Variants in ZFAND3 observed in about 807,000 individuals in gnomAD.
ZFAND3 encodes the protein zinc finger AN1-type containing 3.
A neutral mutation model predicts 29.6 loss-of-function variants in ZFAND3; 10 were observed. That is an observed-to-expected ratio of 0.34 (90% CI 0.21 to 0.57). The LOEUF is 0.57. Ranked by LOEUF, ZFAND3 falls within the 20% of genes least tolerant of loss-of-function variation. The pLI is 0.86. For missense variants in ZFAND3, 230 were observed against 304.5 expected (o/e 0.76, Z 1.82); for synonymous variants, 128 against 112.6 (o/e 1.14, Z -0.87).
intron 2 of ZFAND3, among the ~76,000 whole-genome samples, chr6:37,939,476 C>T (rs1382261477): frequency 6.6e-6 from 1 of 152,162 alleles, no homozygotes; most frequent in Admixed American, 6.5e-5. Flanking sequence ...ATTACATCTG[C>T]AGAAGCTTTT....
chr6:38,137,213 G>C (rs770154949), intron 5 of ZFAND3, among the ~76,000 whole-genome samples: 2 of 152,152 alleles, frequency 1.3e-5, no homozygotes, highest in Non-Finnish European at 2.9e-5. Flanking sequence ...ATGAATAACG[G>C]CAATAGAAAG....
At chr6:38,118,089 A>G (rs181803495) in intron 5 of ZFAND3, among the ~76,000 whole-genome samples, 5 of 152,292 alleles carry the variant, frequency 3.3e-5, no homozygotes, top group Admixed American at 2.6e-4. Context: ...TTTTTGGGAA[A>G]CCGTAAAGAG....
chr6:37,976,337 T>G (rs1762477442), intron 2 of ZFAND3, among the ~76,000 whole-genome samples: 1 of 152,148 alleles, frequency 6.6e-6, no homozygotes, highest in African/African-American at 2.4e-5. Context: ...TTCCCAGCAC[T>G]TTGGGAGGCC....
At chr6:37,981,871 A>G (rs972886771) in intron 2 of ZFAND3, among the ~76,000 whole-genome samples, 2 of 152,110 alleles carry the variant, frequency 1.3e-5, no homozygotes, top group East Asian at 1.9e-4. Flanking sequence ...GCTTGGTTTT[A>G]TATATTTTAA....
intron 5 of ZFAND3, among the ~76,000 whole-genome samples, chr6:38,134,291 C>T (rs1765800357): frequency 6.6e-6 from 1 of 152,198 alleles, no homozygotes; most frequent in Non-Finnish European, 1.5e-5. Flanking sequence ...AAGTTACCTC[C>T]TCCAAGATCC....
chr6:38,032,164 A>C (rs1275873069), intron 2 of ZFAND3, among the ~76,000 whole-genome samples: 2 of 152,196 alleles, frequency 1.3e-5, no homozygotes, highest in Non-Finnish European at 2.9e-5. Flanking sequence ...TATTATGAGC[A>C]TTTATCTATG....
chr6:38,095,269 C>T (rs1043248298), intron 4 of ZFAND3, among the ~76,000 whole-genome samples: 3 of 152,304 alleles, frequency 2.0e-5, no homozygotes, highest in Non-Finnish European at 4.4e-5. Flanking sequence ...GCATAAGAAT[C>T]TCTGAGCCAT....
At chr6:37,925,430 C>T (rs576574774) in intron 1 of ZFAND3, among the ~76,000 whole-genome samples, 24 of 152,226 alleles carry the variant, frequency 1.6e-4, no homozygotes, top group African/African-American at 4.6e-4. Context: ...CTGCTGGACG[C>T]GGTGGCTCAT....
In ZFAND3 at chr6:38,102,297, C is replaced by A. The variant is rs1171416901; in HGVS notation, c.362-14275C>A. ...AACACTCACGAGTAGGGTACTTAGGCATCATAGGGGTGGGATAATTTACAT... is the reference window on the plus strand; with the variant it reads ...AACACTCACGAGTAGGGTACTTAGGAATCATAGGGGTGGGATAATTTACAT... On this transcript the variant is annotated intron_variant, in intron 4 of 5. Coordinates refer to ENST00000287218, the MANE Select transcript of ZFAND3 (RefSeq NM_021943.3). Among the ~76,000 whole-genome samples, 5 of 152,240 alleles carry A rather than the reference C, an allele frequency of 3.3e-5. No homozygotes were observed. The East Asian group carries it at 9.7e-4, about 29-fold the overall frequency.
rs1764118174 is a variant in ZFAND3 at position 38,055,558 on chromosome 6, G to C, written c.113-6035G>C. Among the ~76,000 whole-genome samples the C allele has an allele frequency of 2.0e-5, 3 of 152,316 alleles. No homozygotes were observed. In the South Asian group the frequency reaches 6.2e-4, roughly 32 times the overall value. ...ATGCAAAGCCCCTGGCAGAGTGCTT[G>C]ACTCACAGGAGGCGCTTAATTCTTA... On this transcript the variant is annotated intron_variant, in intron 2 of 5. Transcript: ENST00000287218.
intron 1 of ZFAND3, among the ~76,000 whole-genome samples, chr6:37,851,595 A>C (rs1458871382): frequency 6.6e-6 from 1 of 152,192 alleles, no homozygotes; most frequent in Non-Finnish European, 1.5e-5. Flanking sequence ...TGAAGATCTC[A>C]AAGTGTTGTT....
intron 2 of ZFAND3, among the ~76,000 whole-genome samples, chr6:37,993,706 GCACGTGT>G (rs1762800833): frequency 6.6e-6 from 1 of 152,100 alleles, no homozygotes; most frequent in Admixed American, 6.5e-5. Context: ...AAGTATGTGT[GCACGTGT>G]CATTTCCTTT....
At chr6:37,913,575 T>G (rs1765560505) in intron 1 of ZFAND3, among the ~76,000 whole-genome samples, 1 of 152,170 alleles carries the variant, frequency 6.6e-6, no homozygotes. Context: ...TCCAAACTCC[T>G]GTGAATGTTG....
rs558896633 is a variant in ZFAND3, at chr6:37,995,978, A to T, written c.113-65615A>T. On this transcript the variant is annotated intron_variant, in intron 2 of 5. Coordinates refer to ENST00000287218, the MANE Select transcript of ZFAND3 (RefSeq NM_021943.3). ...CCCATCTCTACTAAAAATACAAAAA[A>T]ATTAGCCGGGCGTGGTGGTGGGTGC... Among the ~76,000 whole-genome samples, 194 of 151,922 alleles carry T rather than the reference A, an allele frequency of 1.3e-3. 2 individuals are homozygous for T. The highest frequency in any genetic ancestry group is 2.3e-3 in the Non-Finnish European group (159 of 67,982).
chr6:38,152,223 C>G lies in ZFAND3; in HGVS notation c.530-12C>G. ...TAACACACTCTTTCCTCTGCTTCTC[C>G]CGCTGCTGCAGGTTATGTGTTCTGT... On this transcript the variant is annotated splice_polypyrimidine_tract_variant and intron_variant, in intron 5 of 5. Coordinates refer to ENST00000287218, the MANE Select transcript of ZFAND3 (RefSeq NM_021943.3). 1 of 1,495,994 alleles carries G rather than the reference C, an allele frequency of 6.7e-7. No homozygotes were observed. Among genetic ancestry groups the G allele is most frequent in the Non-Finnish European group, 8.9e-7 (1 of 1,119,202 alleles). The allele number at this position is 1,495,994 out of a possible 1,614,324, so 92.7% of individuals were successfully genotyped here.
intron 2 of ZFAND3, among the ~76,000 whole-genome samples, chr6:38,049,273 A>G (rs1433428816): frequency 6.6e-6 from 1 of 152,232 alleles, no homozygotes; most frequent in Non-Finnish European, 1.5e-5. Context: ...CTTTTTAAGA[A>G]GTCGGAAGAG....
chr6:37,845,810 C>G (rs1325162848), intron 1 of ZFAND3, among the ~76,000 whole-genome samples: 1 of 152,188 alleles, frequency 6.6e-6, no homozygotes, highest in African/African-American at 2.4e-5. Flanking sequence ...CAGCATTGTT[C>G]ATAATTTTCC....
chr6:37,959,134 T>G (rs1237400586), intron 2 of ZFAND3, among the ~76,000 whole-genome samples: 1 of 152,232 alleles, frequency 6.6e-6, no homozygotes, highest in Non-Finnish European at 1.5e-5. Flanking sequence ...TTTCACCTTC[T>G]GAATTTGCTT....
At chr6:37,831,352 G>T (rs1282402837) in intron 1 of ZFAND3, among the ~76,000 whole-genome samples, 1 of 152,176 alleles carries the variant, frequency 6.6e-6, no homozygotes, top group East Asian at 1.9e-4. Flanking sequence ...TTATTAATTG[G>T]TGAAGTTTCT....
Sources: gnomAD v4.1 joint callset for allele counts (sites outside exome capture counted in the v4.1 genomes callset) on GRCh38, gnomAD v4.1.1 for gene constraint, MANE v1.5 for transcripts, NCBI Gene and HGNC (gene_info 2026-07-23, HGNC 2026-07-21) for gene names.